Variants in LHFPL1 observed in about 807,000 individuals in gnomAD.
LHFPL1 encodes LHFPL tetraspan subfamily member 1.
LHFPL1 carries 4 observed loss-of-function variants against 12.1 expected under a neutral mutation model. That is an observed-to-expected ratio of 0.33 (90% CI 0.16 to 0.76). The LOEUF is 0.76. Among genes scored for constraint, LHFPL1 ranks in the 30% least tolerant of loss-of-function variants. The pLI is 0.61. For synonymous variants in LHFPL1, 52 were observed against 61.9 expected (o/e 0.84, Z 0.75); for missense variants, 141 against 174.1 (o/e 0.81, Z 1.07).
chrX:112,650,426 A>G (rs1930821500), intron 3 of LHFPL1, among the ~76,000 whole-genome samples: 1 of 111,560 alleles, frequency 9.0e-6, no homozygotes, highest in African/African-American at 3.3e-5. Flanking sequence ...TCCTCATCTT[A>G]CAATACTACC....
At chrX:112,678,796 A>T (rs1167383186) in intron 1 of LHFPL1, among the ~76,000 whole-genome samples, 1 of 111,706 alleles carries the variant, frequency 9.0e-6, no homozygotes, top group Non-Finnish European at 1.9e-5. Flanking sequence ...AAAAATCCTC[A>T]ATTTATTCTA....
chrX:112,634,290 G>A (rs1163611236), intron 3 of LHFPL1, among the ~76,000 whole-genome samples: 6 of 110,740 alleles, frequency 5.4e-5, no homozygotes, highest in African/African-American at 2.0e-4. Flanking sequence ...CCCTTGACCT[G>A]TAAGCCCTAA....
At chrX:112,662,109 A>G (rs1376420245) in intron 2 of LHFPL1, among the ~76,000 whole-genome samples, 2 of 112,393 alleles carry the variant, frequency 1.8e-5, no homozygotes, top group African/African-American at 6.5e-5. Context: ...CACTGAGGCA[A>G]CTCAAGTGAG....
intron 2 of LHFPL1, among the ~76,000 whole-genome samples, chrX:112,667,825 G>C (rs922275086): frequency 1.6e-4 from 18 of 110,845 alleles, no homozygotes; most frequent in African/African-American, 5.3e-4. Context: ...TGGAGCAAAT[G>C]GGACCCATGG....
chrX:112,676,201 C>T (rs1233562018), intron 1 of LHFPL1, among the ~76,000 whole-genome samples: 1 of 112,389 alleles, frequency 8.9e-6, no homozygotes, highest in African/African-American at 3.2e-5. Context: ...TCCCAGAAAC[C>T]GGTTAAGTCG....
chrX:112,670,759 G>A (rs988001383), intron 2 of LHFPL1, among the ~76,000 whole-genome samples: 8 of 112,139 alleles, frequency 7.1e-5, no homozygotes, highest in African/African-American at 2.6e-4. Context: ...GCAGATGAAG[G>A]TGACAAAAAT....
At chrX:112,671,817 C>A (rs1931517091) in intron 1 of LHFPL1, among the ~76,000 whole-genome samples, 1 of 111,563 alleles carries the variant, frequency 9.0e-6, no homozygotes, top group Non-Finnish European at 1.9e-5. Flanking sequence ...GACTTCCTGG[C>A]CTGGTAGCTT....
chrX:112,666,810 T>G (rs1468411368), intron 2 of LHFPL1, among the ~76,000 whole-genome samples: 1 of 111,670 alleles, frequency 9.0e-6, no homozygotes, highest in African/African-American at 3.3e-5. Flanking sequence ...CCCAGGTAAT[T>G]CTTAATCCAA....
intron 3 of LHFPL1, among the ~76,000 whole-genome samples, chrX:112,648,888 G>C (rs1460828933): frequency 9.0e-6 from 1 of 111,521 alleles, no homozygotes; most frequent in Non-Finnish European, 1.9e-5. Flanking sequence ...ACAATAGATT[G>C]ACTCTATTAC....
chrX:112,666,124 C>T (rs1169790302), intron 2 of LHFPL1, among the ~76,000 whole-genome samples: 1 of 112,101 alleles, frequency 8.9e-6, no homozygotes, highest in African/African-American at 3.2e-5. Context: ...AGCTGCCAAT[C>T]CTACTTTCCA....
chrX:112,673,625 A>G (rs1379162804), intron 1 of LHFPL1, among the ~76,000 whole-genome samples: 3 of 111,738 alleles, frequency 2.7e-5, no homozygotes, highest in Admixed American at 9.5e-5. Flanking sequence ...GCTCTGCCCA[A>G]CGGTCTTCTT....
Position 112,631,497 on chromosome X carries a change from G to A in LHFPL1, c.586C>T (p.Pro196Ser), listed in dbSNP as rs774015200. ...ATGATGCTCTCCACCAATATGACAGGCTTGGGGTTTCTTCCAGCAAAGCAA... is the reference window on the plus strand; with the variant it reads ...ATGATGCTCTCCACCAATATGACAGACTTGGGGTTTCTTCCAGCAAAGCAA... The part of the protein sequence containing the change: ...LSCFAGRNPK[P>S]VILVESIMRN... Residue 196 changes from proline (P) to serine (S), a missense_variant, in exon 4 of 4, where the codon CCT becomes TCT. Pro to Ser is a moderately conservative substitution (Grantham distance 74). Transcript: ENST00000371968. 1.2e-5 allele frequency: 15 copies of A among 1,210,340 alleles called. No homozygotes were observed. The South Asian group carries it at 2.3e-4, about 18-fold the overall frequency.
In LHFPL1 at chrX:112,631,313, AC is replaced by A; in HGVS notation, c.*106del. On this transcript the variant is annotated 3_prime_UTR_variant, in exon 4 of 4. Coordinates refer to ENST00000371968, the MANE Select transcript of LHFPL1 (RefSeq NM_178175.4). ...CAATTAGTTTAAAAAGCATGCAAAC[AC>A]TAGGCTATGCTAATGACAGTCAGAT... 3.0e-6 allele frequency: 2 copies of A among 665,521 alleles called. No homozygotes were observed. The highest frequency in any genetic ancestry group is 4.5e-6 in the Non-Finnish European group (2 of 448,895). The allele number at this position is 665,521 out of a possible 1,213,427, so 54.8% of individuals were successfully genotyped here. A position where few individuals can be genotyped will look rare whatever the true frequency, so the allele number is the denominator to read the frequency against.
intron 3 of LHFPL1, among the ~76,000 whole-genome samples, chrX:112,650,477 G>C (rs1051994488): frequency 1.7e-4 from 19 of 111,660 alleles, no homozygotes; most frequent in African/African-American, 6.2e-4. Flanking sequence ...GGTCACCTTT[G>C]TCTGACTGAC....
chrX:112,652,266 A>G (rs138044355), intron 3 of LHFPL1, among the ~76,000 whole-genome samples: 237 of 112,213 alleles, frequency 2.1e-3, no homozygotes, highest in Middle Eastern at 0.014. Context: ...TACCATTTTT[A>G]TAACCACCGA....
chrX:112,631,759 G>T lies in LHFPL1; in HGVS notation c.482-158C>A, dbSNP rs149426825. ...AATAGGAAACAGCGAATGTCCCTGG[G>T]CTTCCTATTTTCTTCTTTCCTTCTG... On this transcript the variant is annotated intron_variant, in intron 3 of 3. Transcript: ENST00000371968. 2.4e-3 allele frequency among the ~76,000 whole-genome samples: 273 copies of T among 111,988 alleles called. 2 individuals are homozygous for T. Among genetic ancestry groups the T allele is most frequent in the African/African-American group, 8.6e-3 (264 of 30,813 alleles).
At chrX:112,640,938 C>T (rs766552755) in intron 3 of LHFPL1, among the ~76,000 whole-genome samples, 32 of 111,539 alleles carry the variant, frequency 2.9e-4, no homozygotes, top group Non-Finnish European at 5.6e-4. Context: ...ATCTTGAATA[C>T]AGTGAATGTT....
chrX:112,671,685 C>T (rs929028047), intron 1 of LHFPL1, among the ~76,000 whole-genome samples: 1 of 112,075 alleles, frequency 8.9e-6, no homozygotes, highest in Non-Finnish European at 1.9e-5. Flanking sequence ...TTAGGGTCTG[C>T]TCTGCCAATT....
intron 1 of LHFPL1, among the ~76,000 whole-genome samples, chrX:112,672,208 G>A (rs1931528630): frequency 8.9e-6 from 1 of 111,925 alleles, no homozygotes. Flanking sequence ...TCCTTTGCTG[G>A]ATATAATCCA....
Sources: gnomAD v4.1 joint callset for allele counts (sites outside exome capture counted in the v4.1 genomes callset) on GRCh38, gnomAD v4.1.1 for gene constraint, MANE v1.5 for transcripts, NCBI Gene and HGNC (gene_info 2026-07-23, HGNC 2026-07-21) for gene names.